RBFOX1: variants seen among roughly 807,000 people sequenced by gnomAD.
RBFOX1 encodes RNA binding protein fox-1 homolog 1.
In RBFOX1, 8 loss-of-function variants were observed where a neutral mutation model predicts 57.7. The ratio of observed to expected loss-of-function variants is 0.14; its 90% confidence interval spans 0.08 to 0.25. The LOEUF (loss-of-function observed/expected upper bound fraction) is 0.25. RBFOX1 is among the 10% of genes least tolerant of loss of function. The probability of loss-of-function intolerance (pLI) is 1.00; values close to 1 mark genes in which losing one functional copy is unlikely to be tolerated. For synonymous variants in RBFOX1, 326 were observed against 222.4 expected (o/e 1.47, Z -4.15); for missense variants, 611 against 548.5 (o/e 1.11, Z -1.14).
At chr16:5,792,609 G>C (rs1036566490) in intron 3 of RBFOX1, among the ~76,000 whole-genome samples, 2 of 152,216 alleles carry the variant, frequency 1.3e-5, no homozygotes, top group African/African-American at 4.8e-5. Flanking sequence ...TTGGGAGGCT[G>C]AGGTGGGTGG....
chr16:7,292,380 A>G (rs112365039), intron 4 of RBFOX1, among the ~76,000 whole-genome samples: 1 of 140,878 alleles, frequency 7.1e-6, no homozygotes, highest in Non-Finnish European at 1.5e-5. Context: ...ATCATATATG[A>G]TATACATGAT....
chr16:6,822,166 G>C (rs115725341), intron 3 of RBFOX1, among the ~76,000 whole-genome samples: 1 of 152,138 alleles, frequency 6.6e-6, no homozygotes, highest in African/African-American at 2.4e-5. Context: ...GTGCCAAGTC[G>C]AGGCATTGTA....
intron 3 of RBFOX1, among the ~76,000 whole-genome samples, chr16:6,731,394 A>T (rs2068545861): frequency 6.6e-6 from 1 of 152,054 alleles, no homozygotes; most frequent in Non-Finnish European, 1.5e-5. Flanking sequence ...GGGATCAGTG[A>T]CCTCACATCT....
chr16:5,359,938 T>C (rs1002328249), intron 1 of RBFOX1, among the ~76,000 whole-genome samples: 16 of 29,492 alleles, frequency 5.4e-4, no homozygotes, highest in Middle Eastern at 0.015. Flanking sequence ...TTGATTATGT[T>C]TTTTTCTCTG....
chr16:6,455,345 C>G (rs563968347), intron 2 of RBFOX1, among the ~76,000 whole-genome samples: 2 of 152,070 alleles, frequency 1.3e-5, no homozygotes, highest in Non-Finnish European at 2.9e-5. Context: ...AAAAATGAAA[C>G]AGGATCCCTT....
intron 4 of RBFOX1, among the ~76,000 whole-genome samples, chr16:5,868,109 C>T (rs566850234): frequency 6.6e-6 from 1 of 152,184 alleles, no homozygotes; most frequent in East Asian, 1.9e-4. Flanking sequence ...GTTCAGAAGT[C>T]ACCAGCAAGG....
chr16:6,544,054 G>A (rs1468811716), intron 2 of RBFOX1, among the ~76,000 whole-genome samples: 1 of 152,214 alleles, frequency 6.6e-6, no homozygotes, highest in African/African-American at 2.4e-5. Flanking sequence ...TGCTCTTCTA[G>A]GTGTCTGTCT....
Position 5,947,396 on chromosome 16 carries a change from G to T in RBFOX1, c.351+80061G>T, listed in dbSNP as rs1471563693. On this transcript the variant is annotated intron_variant, in intron 4 of 19. Coordinates refer to the RBFOX1 transcript ENST00000641259. This position sits in a 1 kb window ranked among gnomAD's most constrained non-coding sequence, Gnocchi z 7.2. ...TTGTTCTGTTTTGTTTTCAGACAGG[G>T]TCTTGCTCTCGCTCAGACTGGAGTG... Among the ~76,000 whole-genome samples the T allele has an allele frequency of 6.6e-6, 1 of 152,152 alleles. No homozygotes were observed. The highest frequency in any genetic ancestry group is 2.4e-5 in the African/African-American group (1 of 41,432).
At position 6,415,910 on chromosome 16, in the gene RBFOX1, C is replaced by G. The variant is rs534754087; in HGVS notation, c.-64+98853C>G. On this transcript the variant is annotated intron_variant, in intron 2 of 15. Transcript: ENST00000550418. The stretch of plus-strand genomic sequence containing the variant: ...ATGGGTGCCAGGTAAGATGGGTTCA[C>G]TTTGAGGACCTTGGTTTAATCAGGA... Among the ~76,000 whole-genome samples, 5 of 152,330 alleles carry G rather than the reference C, an allele frequency of 3.3e-5. No individual in the cohort carries two copies. The East Asian group carries it at 9.6e-4, about 29-fold the overall frequency.
chr16:5,974,980 C>T lies in RBFOX1; in HGVS notation c.351+107645C>T, dbSNP rs1011929493. Among the ~76,000 whole-genome samples, 5 of 152,154 alleles carry T rather than the reference C, an allele frequency of 3.3e-5. No individual in the cohort carries two copies. In the East Asian group the frequency reaches 9.7e-4, roughly 29 times the overall value. ...CAGAGAACACGCCTTTGCACTCCAGCCTGGGCAACAAGAGCGAAACTCCGT... is the reference window on the plus strand; with the variant it reads ...CAGAGAACACGCCTTTGCACTCCAGTCTGGGCAACAAGAGCGAAACTCCGT... On this transcript the variant is annotated intron_variant, in intron 4 of 19. Coordinates refer to the RBFOX1 transcript ENST00000641259.
At chr16:7,357,292 T>C (rs1427349607) in intron 4 of RBFOX1, among the ~76,000 whole-genome samples, 1 of 152,092 alleles carries the variant, frequency 6.6e-6, no homozygotes, top group Admixed American at 6.6e-5. Context: ...AAGAAGGTTC[T>C]TGGTTATCAT....
chr16:7,109,086 G>A (rs912021434), intron 4 of RBFOX1, among the ~76,000 whole-genome samples: 3 of 152,168 alleles, frequency 2.0e-5, no homozygotes, highest in African/African-American at 7.2e-5. Context: ...ATGAGCAGGG[G>A]AGTGAGGATG....
At chr16:5,478,137 C>G (rs984731359) in intron 2 of RBFOX1, among the ~76,000 whole-genome samples, 2 of 152,270 alleles carry the variant, frequency 1.3e-5, no homozygotes, top group East Asian at 3.9e-4. Context: ...ATTCCGCAGC[C>G]AAATGTTATG....
intron 2 of RBFOX1, among the ~76,000 whole-genome samples, chr16:6,617,544 C>T (rs1389565848): frequency 6.6e-6 from 1 of 151,932 alleles, no homozygotes; most frequent in Admixed American, 6.6e-5. Context: ...TCAAGATGGC[C>T]ATGTGGTTAT....
chr16:7,246,083 T>A (rs2094286783), intron 4 of RBFOX1, among the ~76,000 whole-genome samples: 1 of 151,594 alleles, frequency 6.6e-6, no homozygotes. Context: ...TTTTTACTTT[T>A]ATCTAAGCAA....
At chr16:6,451,504 C>A (rs374876647) in intron 2 of RBFOX1, among the ~76,000 whole-genome samples, 1 of 152,080 alleles carries the variant, frequency 6.6e-6, no homozygotes, top group Non-Finnish European at 1.5e-5. Context: ...TCAACACTTC[C>A]ACCTGTCAGC....
At chr16:7,355,715 T>C (rs2097203199) in intron 4 of RBFOX1, among the ~76,000 whole-genome samples, 1 of 152,232 alleles carries the variant, frequency 6.6e-6, no homozygotes, top group Non-Finnish European at 1.5e-5. Flanking sequence ...AGCAAATGGC[T>C]TTGCCAATTC....
chr16:6,964,851 G>A (rs1361047608), intron 3 of RBFOX1, among the ~76,000 whole-genome samples: 1 of 152,080 alleles, frequency 6.6e-6, no homozygotes, highest in Non-Finnish European at 1.5e-5. Context: ...CCTGCTCCCA[G>A]CTCCTTGCTG....
intron 2 of RBFOX1, among the ~76,000 whole-genome samples, chr16:6,379,387 C>T (rs182082104): frequency 1.5e-3 from 232 of 152,182 alleles, no homozygotes; most frequent in Middle Eastern, 3.4e-3. Context: ...CCTGTTGTTC[C>T]ACCATAATTT....
Sources: allele counts gnomAD v4.1 joint callset (sites outside exome capture counted in the v4.1 genomes callset), GRCh38; gene constraint gnomAD v4.1.1; non-coding constraint Gnocchi (gnomAD v3.1); transcripts MANE v1.5; gene names NCBI Gene and HGNC (gene_info 2026-07-23, HGNC 2026-07-21).